The following PLEKHS1 variants were observed in gnomAD, a reference collection of about 807,000 sequenced individuals.
PLEKHS1 encodes the protein pleckstrin homology domain-containing family S member 1.
PLEKHS1 carries 55 observed loss-of-function variants against 51.0 expected under a neutral mutation model. The ratio of observed to expected loss-of-function variants is 1.08; its 90% CI spans 0.87 to 1.35. The LOEUF is 1.35. Ranked by LOEUF, PLEKHS1 falls within the 40% of genes most tolerant of loss-of-function variation. The pLI is 0.00. For missense variants in PLEKHS1, 398 were observed against 423.0 expected (o/e 0.94, Z 0.52); for synonymous variants, 153 against 144.8 (o/e 1.06, Z -0.41).
At chr10:113,769,944 C>T in intron 7 of PLEKHS1, 44 bp downstream of exon 7, 2 of 1,353,818 alleles carry the variant, frequency 1.5e-6, no homozygotes, top group Non-Finnish European at 2.1e-6. Context: ...ACCTGGGAGG[C>T]AGCTAATGCC....
chr10:113,770,704 G>A (rs1326648728), intron 7 of PLEKHS1, among the ~76,000 whole-genome samples: 1 of 152,084 alleles, frequency 6.6e-6, no homozygotes, highest in Non-Finnish European at 1.5e-5. Context: ...TTCATTTAGC[G>A]AGTAGAAACG....
intron 1 of PLEKHS1, among the ~76,000 whole-genome samples, chr10:113,753,867 G>A (rs1464684004): frequency 6.6e-6 from 1 of 151,338 alleles, no homozygotes; most frequent in Non-Finnish European, 1.5e-5. Flanking sequence ...CTGGAGTGCA[G>A]TAATGTGATC....
rs2134596031 is a variant in PLEKHS1, at chr10:113,780,656, T to C, written c.*54T>C. ...AAATTCAGAGACATTCCATGCTGCA[T>C]CCTGTATGTGTCCCTCAAAATGCCA... On this transcript the variant is annotated 3_prime_UTR_variant, in exon 12 of 12. Transcript: ENST00000361048. The C allele has an allele frequency of 1.9e-6, 3 of 1,613,916 alleles. No individual in the cohort carries two copies. The East Asian group carries it at 6.7e-5, about 36-fold the overall frequency.
intron 8 of PLEKHS1, 148 bp downstream of exon 8, chr10:113,772,237 T>C (rs1844445788): frequency 1.2e-6 from 1 of 810,562 alleles, no homozygotes; most frequent in Non-Finnish European, 2.0e-6. Context: ...GTGCTGACAC[T>C]TGACTAGGAG....
intron 11 of PLEKHS1, among the ~76,000 whole-genome samples, chr10:113,779,951 C>T (rs1484333915): frequency 6.6e-6 from 1 of 152,196 alleles, no homozygotes; most frequent in African/African-American, 2.4e-5. Flanking sequence ...TGATGGGTAT[C>T]CACTGCTCTT....
intron 2 of PLEKHS1, 54 bp downstream of exon 2, chr10:113,755,359 A>G: frequency 6.3e-7 from 1 of 1,585,400 alleles, no homozygotes; most frequent in Non-Finnish European, 8.6e-7. Context: ...AAAATGCCCC[A>G]CGGTTTCCTT....
At chr10:113,778,891 A>G (rs1248755823) in intron 11 of PLEKHS1, among the ~76,000 whole-genome samples, 2 of 152,166 alleles carry the variant, frequency 1.3e-5, no homozygotes. Context: ...TCGGCCTCCC[A>G]AAGTGCTGGG....
intron 7 of PLEKHS1, 103 bp from the exon 8 acceptor site, chr10:113,771,867 C>G: frequency 7.2e-7 from 1 of 1,385,766 alleles, no homozygotes; most frequent in South Asian, 1.5e-5. Context: ...ACCCTCTGGT[C>G]TTTTTTAACC....
intron 2 of PLEKHS1, among the ~76,000 whole-genome samples, chr10:113,763,409 A>T (rs886764345): frequency 3.9e-5 from 6 of 152,048 alleles, no homozygotes; most frequent in African/African-American, 1.2e-4. Context: ...CTGTTTTTTA[A>T]TTGAGGTGTT....
At position 113,782,413 on chromosome 10, in the gene PLEKHS1, A is replaced by C. The variant is rs1048369020; in HGVS notation, c.*1811A>C. 3 of 152,114 alleles carry C rather than the reference A, an allele frequency of 2.0e-5. No individual in the cohort carries two copies. The East Asian group carries it at 5.8e-4, about 29-fold the overall frequency. The allele number at this position is 152,114 out of a possible 1,614,324, so 9.4% of individuals were successfully genotyped here. A position where few individuals can be genotyped will look rare whatever the true frequency, so the allele number is the denominator to read the frequency against. On this transcript the variant is annotated 3_prime_UTR_variant, in exon 12 of 12. Coordinates refer to ENST00000361048, the Ensembl canonical transcript of PLEKHS1. ...CCCAGATTGTTCGGAAAGTATTAAA[A>C]ATTTTTCATTTACATGCTGATACGG...
At chr10:113,776,037 T>A (rs1593043473) in intron 11 of PLEKHS1, among the ~76,000 whole-genome samples, 171 bp downstream of exon 11, 1 of 152,052 alleles carries the variant, frequency 6.6e-6, no homozygotes, top group African/African-American at 2.4e-5. Flanking sequence ...GAAATCAGGG[T>A]CTTGTTGTGC....
chr10:113,757,373 C>G (rs906204114), intron 2 of PLEKHS1, among the ~76,000 whole-genome samples: 1 of 152,158 alleles, frequency 6.6e-6, no homozygotes, highest in Non-Finnish European at 1.5e-5. Flanking sequence ...CCAATACAAC[C>G]AAGCAAATAT....
intron 1 of PLEKHS1, among the ~76,000 whole-genome samples, chr10:113,753,255 A>G (rs1021004926): frequency 1.3e-5 from 2 of 152,168 alleles, no homozygotes; most frequent in Admixed American, 1.3e-4. Flanking sequence ...GACAGAGGGA[A>G]AGGTGATGGG....
chr10:113,762,006 C>A (rs1024282325), intron 2 of PLEKHS1, among the ~76,000 whole-genome samples: 2 of 151,976 alleles, frequency 1.3e-5, no homozygotes, highest in African/African-American at 4.8e-5. Flanking sequence ...CTATAGGAGG[C>A]TATTCAGGTT....
chr10:113,752,489 A>G (rs1017654016), intron 1 of PLEKHS1, among the ~76,000 whole-genome samples: 5 of 152,222 alleles, frequency 3.3e-5, no homozygotes, highest in Non-Finnish European at 1.5e-5. Context: ...ACTAGCATTT[A>G]TTGAGCTTCT....
intron 1 of PLEKHS1, among the ~76,000 whole-genome samples, chr10:113,754,942 C>T (rs1054027040): frequency 5.9e-5 from 9 of 152,154 alleles, no homozygotes; most frequent in Admixed American, 1.3e-4. Context: ...TGTTGCCATC[C>T]GCCAGCTCTC....
At chr10:113,752,195 A>T (rs1853872812) in intron 1 of PLEKHS1, among the ~76,000 whole-genome samples, 1 of 152,218 alleles carries the variant, frequency 6.6e-6, no homozygotes, top group Admixed American at 6.5e-5. Context: ...GCTTCTTTTT[A>T]ATTACATGAT....
intron 10 of PLEKHS1, 123 bp from the exon 11 acceptor site, chr10:113,775,642 T>C: frequency 1.6e-6 from 1 of 607,992 alleles, no homozygotes; most frequent in Non-Finnish European, 2.8e-6. Flanking sequence ...CTCCAAATGT[T>C]TTGAACAACC....
intron 2 of PLEKHS1, chr10:113,755,506 G>T (rs1170422253): frequency 9.5e-7 from 1 of 1,051,016 alleles, no homozygotes; most frequent in African/African-American, 1.7e-5. Context: ...GCCAGCTCAA[G>T]TGATCCTCTA....
Sources: gnomAD v4.1 joint callset for allele counts (sites outside exome capture counted in the v4.1 genomes callset) on GRCh38, gnomAD v4.1.1 for gene constraint, MANE v1.5 for transcripts, NCBI Gene and HGNC (gene_info 2026-07-23, HGNC 2026-07-21) for gene names.